GRID2: variants seen among roughly 807,000 people sequenced by gnomAD.
GRID2 encodes glutamate receptor ionotropic, delta-2.
In GRID2, 33 loss-of-function variants were observed where a neutral mutation model predicts 114.8. That is an observed-to-expected ratio of 0.29 (90% CI 0.22 to 0.38). GRID2 has a LOEUF of 0.38. GRID2 is among the 10% of genes least tolerant of loss of function. The probability of loss-of-function intolerance (pLI) is 1.00; values close to 1 mark genes in which losing one functional copy is unlikely to be tolerated. For synonymous variants in GRID2, 505 were observed against 449.9 expected (o/e 1.12, Z -1.55); for missense variants, 1,184 against 1,257.7 (o/e 0.94, Z 0.89).
At chr4:92,707,360 A>C (rs943158302) in intron 2 of GRID2, among the ~76,000 whole-genome samples, 2 of 152,182 alleles carry the variant, frequency 1.3e-5, no homozygotes, top group Admixed American at 1.3e-4. Context: ...TGGATAGCAA[A>C]ATTTTGACAT....
At chr4:92,424,398 T>TGATATGACAG (rs1200970044) in intron 1 of GRID2, among the ~76,000 whole-genome samples, 1 of 152,042 alleles carries the variant, frequency 6.6e-6, no homozygotes, top group Non-Finnish European at 1.5e-5. Context: ...TGATCGTAGT[T>TGATATGACAG]GATATGACAG....
At chr4:92,994,106 G>A (rs1755062585) in intron 2 of GRID2, among the ~76,000 whole-genome samples, 1 of 151,944 alleles carries the variant, frequency 6.6e-6, no homozygotes, top group South Asian at 2.1e-4. Context: ...GCAGTTTGAA[G>A]GACATGGAAA....
chr4:93,309,606 G>A (rs1204254979), intron 8 of GRID2, among the ~76,000 whole-genome samples: 1 of 151,916 alleles, frequency 6.6e-6, no homozygotes, highest in Non-Finnish European at 1.5e-5. Context: ...TGGAGAGTCT[G>A]CTGCAAAGAG....
intron 8 of GRID2, among the ~76,000 whole-genome samples, chr4:93,358,599 A>G (rs1560535917): frequency 2.0e-5 from 3 of 152,002 alleles, no homozygotes; most frequent in African/African-American, 7.2e-5. Context: ...GAAACTAATA[A>G]GAGATTTTAA....
intron 8 of GRID2, among the ~76,000 whole-genome samples, chr4:93,367,520 G>A (rs1379844295): frequency 6.6e-6 from 1 of 152,208 alleles, no homozygotes; most frequent in East Asian, 1.9e-4. Flanking sequence ...GTTTAAAATA[G>A]CCTGAGAAAG....
intron 1 of GRID2, among the ~76,000 whole-genome samples, chr4:93,803,734 A>G (rs538652504): frequency 2.0e-5 from 3 of 152,132 alleles, no homozygotes; most frequent in African/African-American, 7.2e-5. Flanking sequence ...AAAAAAAAAC[A>G]AAAAACACCT....
At chr4:92,550,883 G>A (rs1171116661) in intron 1 of GRID2, among the ~76,000 whole-genome samples, 5 of 152,160 alleles carry the variant, frequency 3.3e-5, no homozygotes, top group Admixed American at 3.3e-4. Context: ...GCAGTTTAAT[G>A]TTAAGCAGTT....
chr4:93,617,468 C>T (rs563958639), intron 13 of GRID2, among the ~76,000 whole-genome samples: 1 of 152,254 alleles, frequency 6.6e-6, no homozygotes, highest in South Asian at 2.1e-4. Flanking sequence ...CCATCATACC[C>T]AATTGCAAAT....
chr4:93,140,910 G>A (rs995983196), intron 4 of GRID2, among the ~76,000 whole-genome samples: 1 of 152,062 alleles, frequency 6.6e-6, no homozygotes, highest in African/African-American at 2.4e-5. Context: ...GATGTCATAT[G>A]TTTCAGTAAG....
At chr4:93,751,388 T>A (rs1431174197) in intron 14 of GRID2, among the ~76,000 whole-genome samples, 1 of 152,192 alleles carries the variant, frequency 6.6e-6, no homozygotes, top group Admixed American at 6.5e-5. Context: ...GGTGTTGCTT[T>A]TCACCTGTTT....
At chr4:92,529,435 T>C (rs974664794) in intron 1 of GRID2, among the ~76,000 whole-genome samples, 1 of 152,120 alleles carries the variant, frequency 6.6e-6, no homozygotes, top group African/African-American at 2.4e-5. Flanking sequence ...CCTCATTGAA[T>C]AGCTGAATTT....
intron 9 of GRID2, among the ~76,000 whole-genome samples, chr4:93,417,479 A>C (rs2149360844): frequency 6.6e-6 from 1 of 152,190 alleles, no homozygotes; most frequent in East Asian, 1.9e-4. Flanking sequence ...GTAGTAAAGT[A>C]ACATCCAGAA....
At position 93,371,741 on chromosome 4, in the gene GRID2, C is replaced by CTTT. The variant is rs1205096650; in HGVS notation, c.1246-23845_1246-23843dup. On this transcript the variant is annotated intron_variant, in intron 8 of 15. Transcript: ENST00000282020. ...ATTGGTATATACATAATCACTATTT[C>CTTT]TTTTTTTTTTTTTTTTTTTTTTTGG... Among the ~76,000 whole-genome samples the CTTT allele has an allele frequency of 9.3e-3, 839 of 89,736 alleles. 21 individuals carry two copies. Among genetic ancestry groups the CTTT allele is most frequent in the African/African-American group, 0.029 (617 of 21,444 alleles). 58.9% of individuals were successfully genotyped at this position (89,736 alleles called of 152,430 possible). A position where few individuals can be genotyped will look rare whatever the true frequency, so the allele number is the denominator to read the frequency against.
At chr4:92,586,646 A>G (rs920867096) in intron 1 of GRID2, among the ~76,000 whole-genome samples, 1 of 151,990 alleles carries the variant, frequency 6.6e-6, no homozygotes, top group African/African-American at 2.4e-5. Context: ...TGAAAATTTA[A>G]GCCATTATCA....
At chr4:93,647,307 T>C (rs1182272017) in intron 14 of GRID2, among the ~76,000 whole-genome samples, 1 of 152,124 alleles carries the variant, frequency 6.6e-6, no homozygotes. Flanking sequence ...AAATCAAATG[T>C]TCCTAAGAAA....
At chr4:92,902,126 C>T (rs1747625742) in intron 2 of GRID2, among the ~76,000 whole-genome samples, 1 of 152,080 alleles carries the variant, frequency 6.6e-6, no homozygotes, top group Non-Finnish European at 1.5e-5. Context: ...TTGCACTAAC[C>T]TAATATTCTA....
intron 3 of GRID2, among the ~76,000 whole-genome samples, chr4:93,103,684 T>C (rs1731914138): frequency 6.6e-6 from 1 of 152,048 alleles, no homozygotes; most frequent in South Asian, 2.1e-4. Flanking sequence ...CTTGGCAGTG[T>C]GCAGAATGTT....
intron 14 of GRID2, among the ~76,000 whole-genome samples, chr4:93,765,677 TA>T (rs1733608969): frequency 6.7e-6 from 1 of 150,236 alleles, no homozygotes; most frequent in African/African-American, 2.4e-5. Context: ...AAAGTCAAAA[TA>T]TTTTCCAAGT....
At chr4:93,180,149 G>A (rs914703644) in intron 4 of GRID2, among the ~76,000 whole-genome samples, 2 of 151,888 alleles carry the variant, frequency 1.3e-5, no homozygotes, top group Admixed American at 6.6e-5. Context: ...CATGCAACCC[G>A]TCAAAAAAGT....
Sources: gnomAD v4.1 joint callset for allele counts (sites outside exome capture counted in the v4.1 genomes callset) on GRCh38, gnomAD v4.1.1 for gene constraint, MANE v1.5 for transcripts, NCBI Gene and HGNC (gene_info 2026-07-23, HGNC 2026-07-21) for gene names.